PDE1A: variants seen among roughly 807,000 people sequenced by gnomAD.
PDE1A encodes the protein dual specificity calcium/calmodulin-dependent 3',5'-cyclic nucleotide phosphodiesterase 1A.
Under a neutral mutation model 61.7 loss-of-function variants are expected in PDE1A, and 35 were observed. That is an observed-to-expected ratio of 0.57 (90% CI 0.43 to 0.75). The LOEUF (loss-of-function observed/expected upper bound fraction) is 0.75. Among genes scored for constraint, PDE1A ranks in the 30% least tolerant of loss-of-function variants. The pLI, the probability that PDE1A is intolerant of heterozygous loss-of-function variation, is 0.00. For synonymous variants in PDE1A, 232 were observed against 213.2 expected (o/e 1.09, Z -0.77); for missense variants, 597 against 630.6 (o/e 0.95, Z 0.57).
At chr2:182,231,252 C>A in intron 4 of PDE1A, 121 bp from the exon 5 acceptor site, 1 of 659,768 alleles carries the variant, frequency 1.5e-6, no homozygotes, top group African/African-American at 1.8e-5. Flanking sequence ...TGTCAAACTA[C>A]ACTTTGACCA....
the PDE1A span, among the ~76,000 whole-genome samples, chr2:182,554,818 A>G: frequency 6.6e-6 from 1 of 152,168 alleles, no homozygotes; most frequent in Non-Finnish European, 1.5e-5. Context: ...CTGCCAGTTC[A>G]TAGAAAAATA....
chr2:182,549,994 A>G, the PDE1A span, among the ~76,000 whole-genome samples: 1 of 152,098 alleles, frequency 6.6e-6, no homozygotes, highest in Non-Finnish European at 1.5e-5. Flanking sequence ...CTTCATAGTC[A>G]TTCAAAGTTA....
At chr2:182,183,468 G>A (rs553106003) in intron 13 of PDE1A, among the ~76,000 whole-genome samples, 1 of 152,134 alleles carries the variant, frequency 6.6e-6, no homozygotes, top group Non-Finnish European at 1.5e-5. Flanking sequence ...CCTGTTGGAT[G>A]TGGTAGAATC....
chr2:182,287,977 T>C (rs1277584938), intron 1 of PDE1A, among the ~76,000 whole-genome samples: 1 of 152,140 alleles, frequency 6.6e-6, no homozygotes, highest in Non-Finnish European at 1.5e-5. Context: ...TAAATCTCAG[T>C]TCAAAGAGAG....
At chr2:182,541,233 G>T in the PDE1A span, among the ~76,000 whole-genome samples, 1 of 152,174 alleles carries the variant, frequency 6.6e-6, no homozygotes, top group Non-Finnish European at 1.5e-5. Context: ...GCACACCATG[G>T]TGATGCAGTA....
At chr2:182,676,705 G>C in the PDE1A span, among the ~76,000 whole-genome samples, 1 of 152,126 alleles carries the variant, frequency 6.6e-6, no homozygotes, top group Non-Finnish European at 1.5e-5. Flanking sequence ...ACATCAAAAA[G>C]TTAATCCACC....
chr2:182,534,579 T>C, the PDE1A span, among the ~76,000 whole-genome samples: 1 of 151,942 alleles, frequency 6.6e-6, no homozygotes, highest in East Asian at 1.9e-4. Context: ...TTTGAATTTT[T>C]GTACCACTTT....
At chr2:182,350,872 C>A (rs951404953) in intron 1 of PDE1A, among the ~76,000 whole-genome samples, 6 of 152,148 alleles carry the variant, frequency 3.9e-5, no homozygotes, top group African/African-American at 1.2e-4. Context: ...CGTTGACTCA[C>A]CCACCTATCA....
the PDE1A span, among the ~76,000 whole-genome samples, chr2:182,630,127 CA>C: frequency 1.9e-4 from 29 of 152,224 alleles, no homozygotes; most frequent in South Asian, 5.8e-3. Flanking sequence ...TGCATTCAAA[CA>C]TTTTTTTTCC....
chr2:182,458,243 AC>A (rs1686050266), intron 2 of PDE1A, among the ~76,000 whole-genome samples: 1 of 152,070 alleles, frequency 6.6e-6, no homozygotes, highest in Non-Finnish European at 1.5e-5. Context: ...TTTGGGACTA[AC>A]CCCAATCTGT....
At chr2:182,181,133 G>A (rs904856288) in intron 13 of PDE1A, among the ~76,000 whole-genome samples, 1 of 152,022 alleles carries the variant, frequency 6.6e-6, no homozygotes, top group Non-Finnish European at 1.5e-5. Flanking sequence ...GTCCTTGCTG[G>A]AGAAGTGTTA....
At chr2:182,635,674 ATCTCTC>A in the PDE1A span, among the ~76,000 whole-genome samples, 5 of 141,884 alleles carry the variant, frequency 3.5e-5, no homozygotes, top group South Asian at 2.2e-4. Context: ...AAGAGTATCT[ATCTCTC>A]TCTCTCTCTC....
chr2:182,538,431 A>G, the PDE1A span, among the ~76,000 whole-genome samples: 1 of 152,246 alleles, frequency 6.6e-6, no homozygotes, highest in Non-Finnish European at 1.5e-5. Context: ...ATGAGAAGGA[A>G]GAAATACAAG....
chr2:182,332,838 G>C (rs372691936), intron 1 of PDE1A, among the ~76,000 whole-genome samples: 1 of 152,112 alleles, frequency 6.6e-6, no homozygotes, highest in Non-Finnish European at 1.5e-5. Flanking sequence ...ACCATTTCAC[G>C]TGGAAAGACA....
rs564711293 is a variant in PDE1A at position 182,462,155 on chromosome 2, T to G, written c.101+60121A>C. On this transcript the variant is annotated intron_variant, in intron 2 of 14. Transcript: ENST00000410103. ...GAACATCACACACCGGGGCCTGTTG[T>G]GGGGTGGGGGGAGCGGGGAGGGAAA... is the stretch of plus-strand genomic sequence containing the variant. Among the ~76,000 whole-genome samples, 39 of 146,564 alleles carry G rather than the reference T, an allele frequency of 2.7e-4. No homozygotes were observed. The South Asian group carries it at 8.0e-3, about 30-fold the overall frequency.
chr2:182,679,535 AC>A, the PDE1A span, among the ~76,000 whole-genome samples: 1 of 151,996 alleles, frequency 6.6e-6, no homozygotes, highest in African/African-American at 2.4e-5. Context: ...CGCATTGTAT[AC>A]ATGTATTGAA....
chr2:182,298,965 A>AATC (rs1222011303), intron 1 of PDE1A, among the ~76,000 whole-genome samples: 2 of 152,208 alleles, frequency 1.3e-5, no homozygotes, highest in East Asian at 3.9e-4. Context: ...GGAAATTTAC[A>AATC]ATCTCTCAGC....
intron 2 of PDE1A, among the ~76,000 whole-genome samples, chr2:182,489,434 G>C (rs191879520): frequency 6.6e-6 from 1 of 152,194 alleles, no homozygotes; most frequent in Non-Finnish European, 1.5e-5. Flanking sequence ...CTGACACTGC[G>C]TGAAAAAGAG....
chr2:182,448,120 T>G lies in PDE1A; in HGVS notation c.101+74156A>C, dbSNP rs72885130. Among the ~76,000 whole-genome samples the G allele has an allele frequency of 9.7e-3, 1,470 of 152,246 alleles. 14 individuals carry two copies. The highest frequency in any genetic ancestry group is 0.016 in the Non-Finnish European group (1,108 of 68,000). On this transcript the variant is annotated intron_variant, in intron 2 of 14. Coordinates refer to the PDE1A transcript ENST00000410103. ...TGCTACAGGATAGGCTCAGTGAAAC[T>G]TCTTTTAATTTGCAAGTCTTTGGCT...
Sources: gnomAD v4.1 joint callset for allele counts (sites outside exome capture counted in the v4.1 genomes callset) on GRCh38, gnomAD v4.1.1 for gene constraint, MANE v1.5 for transcripts, NCBI Gene and HGNC (gene_info 2026-07-23, HGNC 2026-07-21) for gene names.